Variants in TPH1 observed in about 807,000 individuals in gnomAD.
TPH1 encodes tryptophan hydroxylase 1.
TPH1 carries 37 observed loss-of-function variants against 49.5 expected under a neutral mutation model. The ratio of observed to expected loss-of-function variants is 0.75; its 90% confidence interval spans 0.58 to 0.98. The LOEUF is 0.98. Among genes scored for constraint, TPH1 ranks in the 50% least tolerant of loss-of-function variants. The pLI is 0.00. For missense variants in TPH1, 487 were observed against 523.6 expected (o/e 0.93, Z 0.68); for synonymous variants, 160 against 182.1 (o/e 0.88, Z 0.98).
Position 18,020,884 on chromosome 11 carries a change from G to A in TPH1, c.*107C>T. On this transcript the variant is annotated 3_prime_UTR_variant, in exon 11 of 11. Transcript: ENST00000682019. ...TTAAGTAGTGGAATTCGATAATATT[G>A]TTTGGCCAGAAGATGCTGTCCCTCC... 1 of 1,047,474 alleles carries A rather than the reference G, an allele frequency of 9.5e-7. No homozygotes were observed. Among genetic ancestry groups the A allele is most frequent in the Non-Finnish European group, 1.5e-6 (1 of 669,596 alleles). 64.9% of individuals were successfully genotyped at this position (1,047,474 alleles called of 1,614,324 possible). A position where few individuals can be genotyped will look rare whatever the true frequency, so the allele number is the denominator to read the frequency against.
intron 8 of TPH1, among the ~76,000 whole-genome samples, chr11:18,024,695 G>C (rs1004275029): frequency 2.7e-4 from 41 of 152,228 alleles, no homozygotes; most frequent in African/African-American, 9.1e-4. Flanking sequence ...GCTTTGAATG[G>C]ATCTTTTATC....
In TPH1 at chr11:18,018,665, C is replaced by CAAAAAAAAAAAAAAA. The variant is rs57390279; in HGVS notation, c.*2311_*2325dup. ...TGGGCGACAGAGCAAGACTCCGTCT[C>CAAAAAAAAAAAAAAA]AAAAAAAAAAAAAAAAAAAAAAAAA... On this transcript the variant is annotated 3_prime_UTR_variant, in exon 11 of 11. Transcript: ENST00000682019. 9 of 37,038 alleles carry CAAAAAAAAAAAAAAA rather than the reference C, an allele frequency of 2.4e-4. 1 individual carries two copies. Among genetic ancestry groups the CAAAAAAAAAAAAAAA allele is most frequent in the Non-Finnish European group, 2.8e-4 (6 of 21,246 alleles). The allele number at this position is 37,038 out of a possible 1,614,324, so 2.3% of individuals were successfully genotyped here.
chr11:18,025,532 C>T (rs771297325), intron 8 of TPH1, 43 bp downstream of exon 8: 16 of 1,612,546 alleles, frequency 9.9e-6, no homozygotes, highest in Non-Finnish European at 1.3e-5. Flanking sequence ...GATACTCATA[C>T]ACCCTACCCC....
chr11:18,044,282 T>A (rs1044809221), intron 1 of TPH1, among the ~76,000 whole-genome samples: 1 of 151,272 alleles, frequency 6.6e-6, no homozygotes, highest in Non-Finnish European at 1.5e-5. Flanking sequence ...ATTGGCTGGG[T>A]GTGGTGGCGG....
intron 3 of TPH1, among the ~76,000 whole-genome samples, chr11:18,034,953 G>A (rs952035544): frequency 2.0e-5 from 3 of 152,198 alleles, no homozygotes; most frequent in African/African-American, 4.8e-5. Context: ...AAGGAAAGAC[G>A]GGGAGGTGGG....
At chr11:18,024,031 T>C in intron 8 of TPH1, 48 bp from the exon 9 acceptor site, 1 of 1,405,078 alleles carries the variant, frequency 7.1e-7, no homozygotes, top group African/African-American at 1.4e-5. Flanking sequence ...GAATTCAACT[T>C]AAAACAAATT....
At chr11:18,034,760 C>T (rs1848027612) in intron 3 of TPH1, among the ~76,000 whole-genome samples, 1 of 152,056 alleles carries the variant, frequency 6.6e-6, no homozygotes, top group African/African-American at 2.4e-5. Flanking sequence ...TCTTTTGCCT[C>T]GAGTGAACTC....
At chr11:18,028,287 T>C (rs2134028002) in intron 6 of TPH1, among the ~76,000 whole-genome samples, 1 of 152,340 alleles carries the variant, frequency 6.6e-6, no homozygotes, top group South Asian at 2.1e-4. Context: ...TTATAAAATC[T>C]TAATGTGGAA....
rs186079649 is a variant in TPH1, at chr11:18,029,295, T to C, written c.537A>G (p.Gln179=). The C allele has an allele frequency of 1.2e-4, 189 of 1,614,088 alleles. No homozygotes were observed. In the East Asian group the frequency reaches 3.5e-3, roughly 30 times the overall value. ...GGGTTGGGTAGAGTTTGTTGAGCTC[T>C]TGGAATACGGTTCCCCAGGTCTTAA... ...EEIKTWGTVF[Q]ELNKLYPTHA... The change falls in exon 6 of 11, where the codon CAA becomes CAG. Residue 179 remains glutamine, a synonymous_variant. Transcript: ENST00000682019.
At chr11:18,043,399 G>A (rs1037961611) in intron 1 of TPH1, among the ~76,000 whole-genome samples, 1 of 152,196 alleles carries the variant, frequency 6.6e-6, no homozygotes, top group Admixed American at 6.5e-5. Flanking sequence ...GAGGTCAGGA[G>A]TTGAAGACCA....
At chr11:18,032,600 C>T (rs995567882) in intron 4 of TPH1, among the ~76,000 whole-genome samples, 12 of 123,136 alleles carry the variant, frequency 9.7e-5, no homozygotes, top group African/African-American at 2.6e-4. Flanking sequence ...GGCTGGAGTG[C>T]GGTCGTGTGA....
intron 9 of TPH1, 36 bp from the exon 10 acceptor site, chr11:18,022,967 A>T (rs372407520): frequency 6.2e-7 from 1 of 1,609,880 alleles, no homozygotes; most frequent in Admixed American, 1.7e-5. Flanking sequence ...AAAGAATAAT[A>T]TCTATTTTTC....
chr11:18,035,142 G>C (rs920144440), intron 3 of TPH1, among the ~76,000 whole-genome samples: 1 of 152,212 alleles, frequency 6.6e-6, no homozygotes, highest in Non-Finnish European at 1.5e-5. Context: ...CGAGTCCCCT[G>C]CTATACATAT....
intron 2 of TPH1, among the ~76,000 whole-genome samples, chr11:18,039,318 A>G (rs1388249449): frequency 6.6e-6 from 1 of 152,162 alleles, no homozygotes; most frequent in African/African-American, 2.4e-5. Context: ...TGACCCTATG[A>G]GGTAGGTAGA....
chr11:18,035,750 T>C (rs1848042535), intron 3 of TPH1, among the ~76,000 whole-genome samples: 2 of 152,142 alleles, frequency 1.3e-5, no homozygotes, highest in Non-Finnish European at 2.9e-5. Flanking sequence ...AGATTTTCTT[T>C]TTCATTTCTC....
chr11:18,042,860 A>G (rs652458), intron 1 of TPH1, among the ~76,000 whole-genome samples: 55,139 of 152,104 alleles, frequency 0.36, 10,530 homozygotes, highest in East Asian at 0.51. Flanking sequence ...ACAATAGCAA[A>G]CATGTGGAAA....
chr11:18,027,782 C>T (rs1847944606), intron 6 of TPH1, among the ~76,000 whole-genome samples: 1 of 152,198 alleles, frequency 6.6e-6, no homozygotes, highest in Non-Finnish European at 1.5e-5. Context: ...ATGTTATGTG[C>T]ATTGGTTCTC....
At chr11:18,024,039 AT>A in intron 8 of TPH1, 56 bp from the exon 9 acceptor site, 1 of 1,376,210 alleles carries the variant, frequency 7.3e-7, no homozygotes, top group Non-Finnish European at 1.0e-6. Flanking sequence ...CTTAAAACAA[AT>A]TACAATTCTT....
At chr11:18,021,644 A>G (rs1854364735) in intron 10 of TPH1, among the ~76,000 whole-genome samples, 1 of 152,132 alleles carries the variant, frequency 6.6e-6, no homozygotes, top group East Asian at 1.9e-4. Flanking sequence ...ACACACACAC[A>G]CATACTCACA....
Sources: gnomAD v4.1 joint callset for allele counts (sites outside exome capture counted in the v4.1 genomes callset) on GRCh38, gnomAD v4.1.1 for gene constraint, MANE v1.5 for transcripts, NCBI Gene and HGNC (gene_info 2026-07-23, HGNC 2026-07-21) for gene names.